Variants in PAAF1 observed in about 807,000 individuals in gnomAD.
PAAF1 encodes proteasomal ATPase-associated factor 1.
In PAAF1, 46 loss-of-function variants were observed where a neutral mutation model predicts 52.8. The observed-to-expected ratio is 0.87, with a 90% CI of 0.69 to 1.11. The LOEUF is 1.11. PAAF1 is among the 50% of genes most tolerant of loss of function. The pLI is 0.00. For synonymous variants in PAAF1, 178 were observed against 172.8 expected, an observed-to-expected ratio of 1.03 and a Z score of -0.24; for missense variants, 424 against 477.4, an observed-to-expected ratio of 0.89 and a Z score of 1.04.
chr11:73,916,715 T>C, intron 9 of PAAF1, 55 bp downstream of exon 9: 2 of 1,286,856 alleles, frequency 1.6e-6, no homozygotes, highest in Non-Finnish European at 1.1e-6. Context: ...GAAATTTTTA[T>C]TGGCTTTAAC....
intron 4 of PAAF1, among the ~76,000 whole-genome samples, chr11:73,893,565 C>T (rs1040153439): frequency 4.0e-5 from 6 of 151,140 alleles, no homozygotes; most frequent in Admixed American, 3.3e-4. Context: ...GGCGAAACCC[C>T]GTCTCTGTTA....
chr11:73,880,462 G>A (rs1216319493), intron 2 of PAAF1: 1 of 146,340 alleles, frequency 6.8e-6, no homozygotes, highest in Non-Finnish European at 1.5e-5. Flanking sequence ...CTGAGAGACA[G>A]AGCAAAACCC....
chr11:73,911,784 C>A (rs937171220), intron 7 of PAAF1, among the ~76,000 whole-genome samples: 3 of 151,954 alleles, frequency 2.0e-5, no homozygotes, highest in Admixed American at 6.6e-5. Context: ...CGGGTGCCCA[C>A]CACCATGCCT....
At position 73,899,262 on chromosome 11, in the gene PAAF1, A is replaced by T; in HGVS notation, c.381+18A>T. ...AACTCAGGGTAAAGGATTTGGATGT[A>T]CTTTTAGGTCTTAAACACAAAGGGT... On this transcript the variant is annotated intron_variant, in intron 5 of 11. Transcript: ENST00000310571. 8.1e-6 allele frequency: 13 copies of T among 1,597,792 alleles called. No individual in the cohort carries two copies. Among genetic ancestry groups the T allele is most frequent in the Non-Finnish European group, 1.1e-5 (13 of 1,165,484 alleles).
chr11:73,888,626 C>CT (rs1366744468), intron 3 of PAAF1, among the ~76,000 whole-genome samples: 2 of 152,124 alleles, frequency 1.3e-5, no homozygotes, highest in Admixed American at 1.3e-4. Flanking sequence ...ATAGAGAATA[C>CT]TTTGTTTTTT....
chr11:73,927,151 A>T lies in PAAF1; in HGVS notation c.1102-134A>T, dbSNP rs535852144. 37 of 677,250 alleles carry T rather than the reference A, an allele frequency of 5.5e-5. 1 individual carries two copies. Among genetic ancestry groups the T allele is most frequent in the South Asian group, 3.1e-4 (17 of 55,512 alleles). The allele number at this position is 677,250 out of a possible 1,614,324, so 42.0% of individuals were successfully genotyped here. On this transcript the variant is annotated intron_variant, in intron 11 of 11. Transcript: ENST00000310571. ...CAACAATTTTTGTAAGCACATAATT[A>T]TGGATGTAATTCTGTTGCCTTCATA... is the stretch of plus-strand genomic sequence containing the variant.
chr11:73,918,767 T>A (rs991326688), intron 9 of PAAF1, among the ~76,000 whole-genome samples, 183 bp from the exon 10 acceptor site: 43 of 152,160 alleles, frequency 2.8e-4, no homozygotes, highest in Admixed American at 2.8e-3. Flanking sequence ...GAGACATGGA[T>A]GGTTTTTGAA....
intron 6 of PAAF1, among the ~76,000 whole-genome samples, chr11:73,903,487 C>T (rs140274405): frequency 0.02 from 3,094 of 151,486 alleles, 107 homozygotes; most frequent in African/African-American, 0.07. Context: ...GAGGCCGAGG[C>T]GGGTGGATCA....
intron 2 of PAAF1, among the ~76,000 whole-genome samples, chr11:73,881,769 C>G (rs532706321): frequency 6.6e-6 from 1 of 151,992 alleles, no homozygotes; most frequent in African/African-American, 2.4e-5. Context: ...TGCAGTGGTG[C>G]AATCTTGGCT....
chr11:73,908,133 CAG>C (rs887055152), intron 6 of PAAF1, among the ~76,000 whole-genome samples: 1 of 151,766 alleles, frequency 6.6e-6, no homozygotes, highest in Non-Finnish European at 1.5e-5. Context: ...TGGCCAAAAC[CAG>C]AAGTCATGTC....
chr11:73,896,801 T>G (rs1949383622), intron 4 of PAAF1, among the ~76,000 whole-genome samples: 3 of 152,178 alleles, frequency 2.0e-5, no homozygotes, highest in Non-Finnish European at 2.9e-5. Flanking sequence ...CCGTTCTCAA[T>G]GAGCTGTTGG....
rs888804268 is a variant in PAAF1 at position 73,892,728 on chromosome 11, C to T, written c.282+1527C>T. On this transcript the variant is annotated intron_variant, in intron 4 of 11. Coordinates refer to ENST00000310571, the MANE Select transcript of PAAF1 (RefSeq NM_025155.3). ...AGGCTGGAGTGCAGTGGTGCAGTCT[C>T]GGCTCACTGCAAGCTCCACCTCCTG... 1.4e-4 allele frequency among the ~76,000 whole-genome samples: 22 copies of T among 152,234 alleles called. No individual in the cohort carries two copies. The South Asian group carries it at 2.5e-3, about 17-fold the overall frequency.
intron 11 of PAAF1, among the ~76,000 whole-genome samples, chr11:73,925,197 C>CTGT (rs777028255): frequency 3.9e-4 from 58 of 150,034 alleles, no homozygotes; most frequent in Admixed American, 6.7e-4. Flanking sequence ...TGGCTGACAG[C>CTGT]TGTAACCCCA....
chr11:73,882,492 G>T (rs1255760263), intron 2 of PAAF1, among the ~76,000 whole-genome samples: 4 of 151,680 alleles, frequency 2.6e-5, no homozygotes, highest in Non-Finnish European at 1.5e-5. Flanking sequence ...TGTCGCCCAG[G>T]CTGGAGTGCA....
chr11:73,906,782 A>G (rs891455540), intron 6 of PAAF1, among the ~76,000 whole-genome samples: 1 of 152,212 alleles, frequency 6.6e-6, no homozygotes, highest in Admixed American at 6.5e-5. Flanking sequence ...CGTTACGCTG[A>G]GTTGCTGTAG....
intron 8 of PAAF1, 111 bp downstream of exon 8, chr11:73,914,615 A>C: frequency 1.3e-6 from 1 of 782,898 alleles, no homozygotes; most frequent in Non-Finnish European, 2.2e-6. Context: ...ACTTTTGAGA[A>C]GGCTGCGTGA....
chr11:73,921,974 C>T lies in PAAF1; in HGVS notation c.1019-2641C>T. On this transcript the variant is annotated intron_variant, in intron 10 of 11. Transcript: ENST00000310571. Reference sequence around the variant, plus strand: ...TCCTTCAGACACTCAGAAACGTAGACAGAGATACGTATATCAAGGTCCTGT... The same window carrying T: ...TCCTTCAGACACTCAGAAACGTAGATAGAGATACGTATATCAAGGTCCTGT... 4.6e-6 allele frequency: 4 copies of T among 868,632 alleles called. 1 individual carries two copies. Among genetic ancestry groups the T allele is most frequent in the Admixed American group, 1.8e-5 (1 of 55,954 alleles). The allele number at this position is 868,632 out of a possible 1,614,324, so 53.8% of individuals were successfully genotyped here. A position where few individuals can be genotyped will look rare whatever the true frequency, so the allele number is the denominator to read the frequency against.
rs868099179 is a variant in PAAF1, at chr11:73,915,792, T to C, written c.820-753T>C. Among the ~76,000 whole-genome samples the C allele has an allele frequency of 9.2e-5, 14 of 152,334 alleles. 1 individual carries two copies. Among genetic ancestry groups the C allele is most frequent in the Middle Eastern group, 6.8e-3 (2 of 294 alleles). ...CCTGTGATCGTCATCCAGACAACTT[T>C]AGTGATTTGATTTGGCCACAGGGTT... On this transcript the variant is annotated intron_variant, in intron 8 of 11. Coordinates refer to ENST00000310571, the MANE Select transcript of PAAF1 (RefSeq NM_025155.3).
chr11:73,882,700 T>C (rs1327237880), intron 2 of PAAF1, among the ~76,000 whole-genome samples: 1 of 152,098 alleles, frequency 6.6e-6, no homozygotes, highest in Non-Finnish European at 1.5e-5. Flanking sequence ...CCTTCCAGGT[T>C]CATGCCATTC....
Sources: allele counts gnomAD v4.1 joint callset (sites outside exome capture counted in the v4.1 genomes callset), GRCh38; gene constraint gnomAD v4.1.1; transcripts MANE v1.5; gene names NCBI Gene and HGNC (gene_info 2026-07-23, HGNC 2026-07-21).